CTNNA2: variants seen among roughly 807,000 people sequenced by gnomAD.
The protein encoded by CTNNA2 is catenin alpha-2.
Under a neutral mutation model 101.0 loss-of-function variants are expected in CTNNA2, and 42 were observed. The ratio of observed to expected loss-of-function variants is 0.42; its 90% CI spans 0.32 to 0.54. CTNNA2 has a LOEUF of 0.54. Ranked by LOEUF, CTNNA2 falls within the 20% of genes least tolerant of loss-of-function variation. The probability of loss-of-function intolerance (pLI) is 0.14; values close to 1 mark genes in which losing one functional copy is unlikely to be tolerated. For missense variants in CTNNA2, 871 were observed against 1,223.1 expected (o/e 0.71, Z 4.29); for synonymous variants, 450 against 456.4 (o/e 0.99, Z 0.18).
intron 4 of CTNNA2, among the ~76,000 whole-genome samples, chr2:79,862,635 A>G (rs1255898063): frequency 2.0e-5 from 3 of 152,200 alleles, no homozygotes; most frequent in Non-Finnish European, 4.4e-5. Context: ...TCAGTTATAC[A>G]CTTAAGAACT....
Position 80,167,445 on chromosome 2 carries a change from A to T in CTNNA2, c.1057-225766A>T, listed in dbSNP as rs553244718. On this transcript the variant is annotated intron_variant, in intron 7 of 18. Coordinates refer to ENST00000402739, the MANE Select transcript of CTNNA2 (RefSeq NM_001282597.3). ...CTATTCTCAGGGCAATGCAGTAATGATATTTATGTTGGCTAACAGTTATGC... is the reference window on the plus strand; with the variant it reads ...CTATTCTCAGGGCAATGCAGTAATGTTATTTATGTTGGCTAACAGTTATGC... 9.2e-5 allele frequency among the ~76,000 whole-genome samples: 14 copies of T among 152,282 alleles called. No individual in the cohort carries two copies. The South Asian group carries it at 2.9e-3, about 32-fold the overall frequency.
chr2:80,608,067 A>G (rs982223636), intron 16 of CTNNA2, 117 bp from the exon 17 acceptor site: 10 of 905,930 alleles, frequency 1.1e-5, no homozygotes, highest in African/African-American at 1.7e-5. Context: ...GTTAAGTTAA[A>G]TGAATGTAAT....
intron 1 of CTNNA2, among the ~76,000 whole-genome samples, chr2:79,191,115 G>A (rs972038056): frequency 4.6e-5 from 7 of 152,148 alleles, no homozygotes; most frequent in Non-Finnish European, 8.8e-5. Flanking sequence ...CTTGACTGCT[G>A]GAGCCCAGGG....
At chr2:79,271,635 C>A (rs576126200) in intron 2 of CTNNA2, among the ~76,000 whole-genome samples, 4 of 152,078 alleles carry the variant, frequency 2.6e-5, no homozygotes, top group Admixed American at 1.3e-4. Context: ...TCAGATCTCC[C>A]GCTCTGAGCA....
chr2:80,399,066 G>T (rs771670837), intron 8 of CTNNA2, among the ~76,000 whole-genome samples: 3 of 143,010 alleles, frequency 2.1e-5, no homozygotes, highest in Non-Finnish European at 4.5e-5. Context: ...GTGCCACCAC[G>T]CCTGGCTAAT....
intron 3 of CTNNA2, among the ~76,000 whole-genome samples, chr2:79,371,727 C>G (rs183647996): frequency 6.6e-6 from 1 of 152,052 alleles, no homozygotes; most frequent in Admixed American, 6.6e-5. Flanking sequence ...GCTAAAAGTT[C>G]TAGAATAATT....
intron 9 of CTNNA2, among the ~76,000 whole-genome samples, chr2:80,496,721 G>A (rs1376518359): frequency 1.3e-5 from 2 of 152,142 alleles, no homozygotes; most frequent in South Asian, 4.2e-4. Context: ...AGTGCTTCAT[G>A]ACTTGCATTG....
intron 1 of CTNNA2, among the ~76,000 whole-genome samples, chr2:79,580,026 C>T (rs139519536): frequency 2.9e-4 from 44 of 152,254 alleles, no homozygotes; most frequent in African/African-American, 1.0e-3. Context: ...TACCACAGAC[C>T]TCTTCACTGT....
chr2:80,611,167 A>G (rs999435113), intron 17 of CTNNA2, among the ~76,000 whole-genome samples: 5 of 151,648 alleles, frequency 3.3e-5, no homozygotes, highest in African/African-American at 1.2e-4. Flanking sequence ...AAGTGAAAGT[A>G]GAGGAAACTG....
At chr2:80,362,107 G>C (rs1348410362) in intron 7 of CTNNA2, among the ~76,000 whole-genome samples, 1 of 152,024 alleles carries the variant, frequency 6.6e-6, no homozygotes, top group East Asian at 1.9e-4. Context: ...ATGACATGAG[G>C]CAGTTTTGCA....
chr2:80,192,703 T>A (rs1183904891), intron 7 of CTNNA2, among the ~76,000 whole-genome samples: 2 of 152,068 alleles, frequency 1.3e-5, no homozygotes, highest in Non-Finnish European at 2.9e-5. Flanking sequence ...TTAGTAGAGA[T>A]GGGGTTTCGC....
intron 9 of CTNNA2, among the ~76,000 whole-genome samples, chr2:80,504,229 T>C (rs898704549): frequency 6.6e-5 from 10 of 152,182 alleles, no homozygotes; most frequent in Admixed American, 6.5e-4. Flanking sequence ...ATGGATATTT[T>C]CACTTTCTTG....
intron 5 of CTNNA2, among the ~76,000 whole-genome samples, chr2:79,870,433 C>T (rs972064532): frequency 7.5e-5 from 9 of 119,562 alleles, no homozygotes; most frequent in East Asian, 2.3e-4. Context: ...GGTGGGGGAA[C>T]GGAGAAAGGG....
chr2:80,478,277 G>T (rs1016631863), intron 9 of CTNNA2, among the ~76,000 whole-genome samples: 9 of 152,076 alleles, frequency 5.9e-5, no homozygotes, highest in Non-Finnish European at 1.2e-4. Flanking sequence ...ATCTGTCCTT[G>T]TAGATTCTGG....
intron 3 of CTNNA2, among the ~76,000 whole-genome samples, chr2:79,842,464 T>C (rs1679895942): frequency 6.6e-6 from 1 of 152,186 alleles, no homozygotes; most frequent in Non-Finnish European, 1.5e-5. Context: ...TTATTATTGC[T>C]ATTACTAGCA....
chr2:79,769,693 T>TA (rs5832404), intron 3 of CTNNA2, among the ~76,000 whole-genome samples: 21,723 of 152,204 alleles, frequency 0.14, 1,603 homozygotes, highest in Admixed American at 0.18. Context: ...AATTCTTTCT[T>TA]AAAGGATGAG....
chr2:80,360,045 A>G (rs1389326344), intron 7 of CTNNA2, among the ~76,000 whole-genome samples: 1 of 152,140 alleles, frequency 6.6e-6, no homozygotes, highest in East Asian at 1.9e-4. Flanking sequence ...ATTTATTTAC[A>G]TCTTTAATTC....
rs183997299 is a variant in CTNNA2 at position 80,401,102 on chromosome 2, G to A, written c.1137+7811G>A. ...AGGATTTATCCAGTAGACTCCCAAA[G>A]CATTTAAAAATATCTCTATCATGAC... On this transcript the variant is annotated intron_variant, in intron 8 of 18. Transcript: ENST00000402739. 8.5e-5 allele frequency among the ~76,000 whole-genome samples: 13 copies of A among 152,216 alleles called. No homozygotes were observed. In the East Asian group the frequency reaches 2.3e-3, roughly 27 times the overall value.
chr2:80,634,512 C>T (rs1022167067), intron 18 of CTNNA2, among the ~76,000 whole-genome samples: 1 of 145,754 alleles, frequency 6.9e-6, no homozygotes, highest in Non-Finnish European at 1.5e-5. Flanking sequence ...AGTATTGGGC[C>T]CCATGTGAAG....
Sources: allele counts gnomAD v4.1 joint callset (sites outside exome capture counted in the v4.1 genomes callset), GRCh38; gene constraint gnomAD v4.1.1; transcripts MANE v1.5; gene names NCBI Gene and HGNC (gene_info 2026-07-23, HGNC 2026-07-21).